The following ROBO2 variants were observed in gnomAD, a reference collection of about 807,000 sequenced individuals.
The protein encoded by ROBO2 is roundabout homolog 2.
In ROBO2, 53 loss-of-function variants were observed where a neutral mutation model predicts 160.8. That is an observed-to-expected ratio of 0.33 (90% confidence interval 0.26 to 0.41). The LOEUF (loss-of-function observed/expected upper bound fraction) is 0.41, where lower values mean the gene tolerates loss of function less well. Ranked by LOEUF, ROBO2 falls within the 10% of genes least tolerant of loss-of-function variation. ROBO2 has a pLI of 1.00. For synonymous variants in ROBO2, 664 were observed against 611.7 expected (o/e 1.09, Z -1.26); for missense variants, 1,577 against 1,722.4 (o/e 0.92, Z 1.49).
intron 2 of ROBO2, among the ~76,000 whole-genome samples, chr3:77,296,055 G>T (rs373633617): frequency 6.6e-6 from 1 of 151,518 alleles, no homozygotes; most frequent in East Asian, 2.0e-4. Flanking sequence ...ATGGTTAAAC[G>T]GGTAAGCTGA....
rs2094273592 is a variant in ROBO2 at position 77,595,204 on chromosome 3, T to C, written c.2726+20T>C. On this transcript the variant is annotated intron_variant, in intron 18 of 25. Coordinates refer to ENST00000461745, the Ensembl canonical transcript of ROBO2. ...TGGAAGGTATGCTACGGAGATTGTT[T>C]CATTATTATTTTTATTTTTAATCAG... 1 of 1,585,454 alleles carries C rather than the reference T, an allele frequency of 6.3e-7. No homozygotes were observed.
chr3:77,347,603 A>ATATTC (rs1441555472), intron 2 of ROBO2, among the ~76,000 whole-genome samples: 2 of 151,974 alleles, frequency 1.3e-5, no homozygotes, highest in African/African-American at 4.8e-5. Flanking sequence ...TTTCCCCCAA[A>ATATTC]TATTCTATGC....
chr3:76,250,426 T>G (rs1279209134), intron 2 of ROBO2, among the ~76,000 whole-genome samples: 1 of 152,060 alleles, frequency 6.6e-6, no homozygotes, highest in Non-Finnish European at 1.5e-5. Flanking sequence ...AAAATCACAC[T>G]GGGTGTGAAT....
intron 2 of ROBO2, among the ~76,000 whole-genome samples, chr3:76,322,687 A>C (rs1214886783): frequency 6.6e-6 from 1 of 152,156 alleles, no homozygotes; most frequent in Non-Finnish European, 1.5e-5. Context: ...TTTTCTTGTA[A>C]CTTTAATTCA....
chr3:76,934,689 C>T (rs549031903), intron 2 of ROBO2, among the ~76,000 whole-genome samples: 2 of 152,070 alleles, frequency 1.3e-5, no homozygotes, highest in African/African-American at 2.4e-5. Flanking sequence ...TGCAGTGAGC[C>T]GAGATATACC....
intron 2 of ROBO2, among the ~76,000 whole-genome samples, chr3:76,117,307 A>C (rs1476728499): frequency 2.0e-5 from 3 of 152,204 alleles, no homozygotes; most frequent in African/African-American, 2.4e-5. Context: ...CTATTTTCAC[A>C]AACAGTGAAG....
chr3:76,814,565 C>T (rs1049266156), intron 2 of ROBO2, among the ~76,000 whole-genome samples: 5 of 150,720 alleles, frequency 3.3e-5, no homozygotes, highest in Admixed American at 3.3e-4. Context: ...TTAAATTAGT[C>T]GAAACCATAC....
At chr3:76,453,874 A>G (rs1379092205) in intron 2 of ROBO2, among the ~76,000 whole-genome samples, 1 of 152,148 alleles carries the variant, frequency 6.6e-6, no homozygotes, top group South Asian at 2.1e-4. Flanking sequence ...CCTGAACAGA[A>G]TGAATGTATG....
At chr3:76,922,273 T>C (rs1050061782) in intron 2 of ROBO2, among the ~76,000 whole-genome samples, 2 of 152,218 alleles carry the variant, frequency 1.3e-5, no homozygotes, top group African/African-American at 2.4e-5. Context: ...ATCGCACCAC[T>C]GCACTCCAGC....
intron 2 of ROBO2, among the ~76,000 whole-genome samples, chr3:76,846,668 GA>G: frequency 6.6e-6 from 1 of 152,240 alleles, no homozygotes; most frequent in East Asian, 1.9e-4. Flanking sequence ...GCTCTTCAGA[GA>G]TTAAATAAGC....
chr3:77,293,032 G>A lies in ROBO2; in HGVS notation c.389-184382G>A, dbSNP rs563586043. Among the ~76,000 whole-genome samples the A allele has an allele frequency of 5.0e-3, 743 of 149,882 alleles. 3 individuals are homozygous for A. Among genetic ancestry groups the A allele is most frequent in the African/African-American group, 0.017 (709 of 40,964 alleles). On this transcript the variant is annotated intron_variant, in intron 2 of 25. Coordinates refer to ENST00000461745, the Ensembl canonical transcript of ROBO2. Reference sequence around the variant, plus strand: ...GAGGCTAGATCACCAAAGACATAAAGTAAAATTGATGGTTAAATGGGTAAG... The same window carrying A: ...GAGGCTAGATCACCAAAGACATAAAATAAAATTGATGGTTAAATGGGTAAG...
chr3:76,041,684 A>G (rs1283224561), intron 2 of ROBO2, among the ~76,000 whole-genome samples: 1 of 152,010 alleles, frequency 6.6e-6, no homozygotes, highest in Non-Finnish European at 1.5e-5. Flanking sequence ...TAATATCATA[A>G]GTATTGGCAT....
intron 2 of ROBO2, among the ~76,000 whole-genome samples, chr3:76,595,687 G>A (rs1308748017): frequency 6.6e-6 from 1 of 151,598 alleles, no homozygotes; most frequent in Admixed American, 6.6e-5. Context: ...CTGATGTATG[G>A]TTCCCTGAAA....
At chr3:77,141,364 C>A (rs1560096591) in intron 2 of ROBO2, among the ~76,000 whole-genome samples, 1 of 151,736 alleles carries the variant, frequency 6.6e-6, no homozygotes, top group East Asian at 1.9e-4. Context: ...TCTGTTCAGG[C>A]AGAATGACCT....
intron 2 of ROBO2, among the ~76,000 whole-genome samples, chr3:76,797,210 C>G (rs2063767341): frequency 1.3e-5 from 2 of 152,024 alleles, no homozygotes; most frequent in Non-Finnish European, 2.9e-5. Context: ...AAAAATAAGT[C>G]TTACAAAATC....
rs1224118390 is a variant in ROBO2, at chr3:76,042,403, A to C, written c.109+104801A>C. On this transcript the variant is annotated intron_variant, in intron 2 of 26. Transcript: ENST00000487694. ...ACCAACAAGCTGTGCTATCATTGAA[A>C]ATGTATTTGTTTAAAGACTATGTGA... 1.3e-5 allele frequency among the ~76,000 whole-genome samples: 2 copies of C among 152,004 alleles called. 1 individual carries two copies. The highest frequency in any genetic ancestry group is 4.8e-5 in the African/African-American group (2 of 41,262).
intron 2 of ROBO2, among the ~76,000 whole-genome samples, chr3:77,106,561 G>C (rs2072836168): frequency 6.6e-6 from 1 of 152,132 alleles, no homozygotes; most frequent in African/African-American, 2.4e-5. Context: ...CTTCTTTTAA[G>C]CATGAGTCAG....
intron 2 of ROBO2, among the ~76,000 whole-genome samples, chr3:77,131,055 TG>T (rs1192330314): frequency 2.6e-5 from 4 of 152,188 alleles, no homozygotes; most frequent in Non-Finnish European, 4.4e-5. Context: ...TTTGGGACAC[TG>T]CCAGCCAAAA....
chr3:77,506,216 A>C (rs1288172633), intron 5 of ROBO2, among the ~76,000 whole-genome samples: 3 of 152,170 alleles, frequency 2.0e-5, no homozygotes, highest in East Asian at 3.9e-4. Flanking sequence ...TTTCTATATA[A>C]CTTTCTAACT....
Sources: allele counts gnomAD v4.1 joint callset (sites outside exome capture counted in the v4.1 genomes callset), GRCh38; gene constraint gnomAD v4.1.1; transcripts MANE v1.5; gene names NCBI Gene and HGNC (gene_info 2026-07-23, HGNC 2026-07-21).